Variants in DNM3 observed in about 807,000 individuals in gnomAD.
DNM3 encodes the protein dynamin 3.
DNM3 carries 47 observed loss-of-function variants against 101.6 expected under a neutral mutation model. The observed-to-expected ratio is 0.46, with a 90% CI of 0.37 to 0.59. The LOEUF is 0.59. Among genes scored for constraint, DNM3 ranks in the 20% least tolerant of loss-of-function variants. DNM3 has a pLI of 0.00. For synonymous variants in DNM3, 385 were observed against 387.9 expected, an observed-to-expected ratio of 0.99 and a Z score of 0.09; for missense variants, 849 against 1,085.7, an observed-to-expected ratio of 0.78 and a Z score of 3.06.
Position 172,044,301 on chromosome 1 carries a change from T to C in DNM3, c.1129-84T>C, listed in dbSNP as rs1342574682. 3.4e-6 allele frequency: 4 copies of C among 1,174,004 alleles called. No homozygotes were observed. The African/African-American group carries it at 4.6e-5, about 14-fold the overall frequency. 72.7% of individuals were successfully genotyped at this position (1,174,004 alleles called of 1,614,324 possible). A position where few individuals can be genotyped will look rare whatever the true frequency, so the allele number is the denominator to read the frequency against. On this transcript the variant is annotated intron_variant, in intron 8 of 20. Transcript: ENST00000627582. ...GAGTATCCACTTATTAATAATGAAG[T>C]CAAGTTATTCTCATTCTGTAATGTT... is the stretch of plus-strand genomic sequence containing the variant.
intron 4 of DNM3, among the ~76,000 whole-genome samples, chr1:172,003,124 A>AT (rs2046455381): frequency 6.6e-6 from 1 of 151,880 alleles, no homozygotes; most frequent in Non-Finnish European, 1.5e-5. Flanking sequence ...ATGAATCTTC[A>AT]TTTTTTTCAG....
chr1:172,028,211 T>C (rs1380014023), intron 4 of DNM3, among the ~76,000 whole-genome samples: 4 of 152,122 alleles, frequency 2.6e-5, no homozygotes, highest in African/African-American at 9.7e-5. Flanking sequence ...AAATCGTAAC[T>C]AACAGTCTCT....
At chr1:172,135,887 T>C (rs948712741) in intron 14 of DNM3, among the ~76,000 whole-genome samples, 1 of 152,080 alleles carries the variant, frequency 6.6e-6, no homozygotes, top group African/African-American at 2.4e-5. Context: ...TAAAAATACA[T>C]AAATATGTAA....
downstream of DNM3, among the ~76,000 whole-genome samples, chr1:172,415,840 G>A (rs976568077): frequency 4.6e-5 from 7 of 151,954 alleles, no homozygotes; most frequent in Admixed American, 3.3e-4. Context: ...TTTTTTGTGA[G>A]ATTTTAACAG....
chr1:172,091,604 A>T (rs930303753), intron 12 of DNM3, among the ~76,000 whole-genome samples: 6 of 152,186 alleles, frequency 3.9e-5, no homozygotes, highest in Non-Finnish European at 7.4e-5. Context: ...TGTGGCTGGA[A>T]CTCTTCAGGG....
chr1:172,011,086 A>G (rs2047096075), intron 4 of DNM3, among the ~76,000 whole-genome samples: 1 of 151,824 alleles, frequency 6.6e-6, no homozygotes, highest in African/African-American at 2.4e-5. Flanking sequence ...GATCAATTTC[A>G]TATTTTTTGA....
chr1:171,952,380 G>T (rs2042585494), intron 2 of DNM3, among the ~76,000 whole-genome samples: 1 of 152,162 alleles, frequency 6.6e-6, no homozygotes, highest in African/African-American at 2.4e-5. Flanking sequence ...ACATGAGTCA[G>T]GTTGGAATTT....
intron 2 of DNM3, among the ~76,000 whole-genome samples, chr1:171,967,929 T>C (rs1270370771): frequency 1.3e-5 from 2 of 152,222 alleles, no homozygotes; most frequent in African/African-American, 4.8e-5. Flanking sequence ...TCATACTTTG[T>C]ATATTGCTTC....
In DNM3 at chr1:171,944,853, TC is replaced by T. The variant is rs137973507; in HGVS notation, c.235+23034del. Reference sequence around the variant, plus strand: ...TTTTGTTTTCTTTTTTTTTGGTGTTTCCTTTTTTTTTTTTTTTTTTTTTTTT... The same window carrying T: ...TTTTGTTTTCTTTTTTTTTGGTGTTTCTTTTTTTTTTTTTTTTTTTTTTTT... On this transcript the variant is annotated intron_variant, in intron 2 of 20. Coordinates refer to ENST00000627582, the MANE Select transcript of DNM3 (RefSeq NM_015569.5). Among the ~76,000 whole-genome samples, 298 of 91,980 alleles carry T rather than the reference TC, an allele frequency of 3.2e-3. 125 individuals are homozygous for T. Among genetic ancestry groups the T allele is most frequent in the East Asian group, 0.01 (32 of 3,088 alleles). 60.3% of individuals were successfully genotyped at this position (91,980 alleles called of 152,430 possible).
At chr1:171,932,905 T>C (rs1223937812) in intron 2 of DNM3, among the ~76,000 whole-genome samples, 1 of 152,202 alleles carries the variant, frequency 6.6e-6, no homozygotes, top group African/African-American at 2.4e-5. Context: ...GAAAATATTC[T>C]TACATATTGA....
At chr1:172,377,997 A>G (rs2068700947) in intron 17 of DNM3, 1 of 152,054 alleles carries the variant, frequency 6.6e-6, no homozygotes, top group Admixed American at 6.6e-5. Context: ...TGGATGATTG[A>G]AAATCAAAGT....
chr1:172,041,646 T>C, intron 7 of DNM3, among the ~76,000 whole-genome samples: 1 of 152,110 alleles, frequency 6.6e-6, no homozygotes, highest in South Asian at 2.1e-4. Context: ...TTTGGGACAC[T>C]AGGTGGTTGT....
intron 15 of DNM3, among the ~76,000 whole-genome samples, chr1:172,270,977 G>A (rs1573229897): frequency 1.3e-5 from 2 of 152,218 alleles, no homozygotes; most frequent in Non-Finnish European, 2.9e-5. Flanking sequence ...AGTGATATGT[G>A]TTATACTACC....
At chr1:172,193,335 T>C (rs901652296) in intron 14 of DNM3, among the ~76,000 whole-genome samples, 2 of 152,134 alleles carry the variant, frequency 1.3e-5, no homozygotes, top group African/African-American at 4.8e-5. Context: ...TTTTGTTGTG[T>C]CCCTGCCAGG....
intron 15 of DNM3, among the ~76,000 whole-genome samples, chr1:172,294,782 C>T (rs2064080568): frequency 1.4e-5 from 2 of 140,776 alleles, no homozygotes; most frequent in South Asian, 4.5e-4. Flanking sequence ...GCTGGGACTG[C>T]AAGGCTGTAG....
Position 172,411,059 on chromosome 1 carries a change from G to T in DNM3, c.*3218G>T, listed in dbSNP as rs924386885. ...ATACTAGTTAAAATGCCACAAGCAT[G>T]AGTGTGATTGTATGTGCACTGTGTG... On this transcript the variant is annotated 3_prime_UTR_variant, in exon 21 of 21. Transcript: ENST00000627582. The T allele has an allele frequency of 5.1e-6, 5 of 985,072 alleles. No homozygotes were observed. The African/African-American group carries it at 7.0e-5, about 14-fold the overall frequency. The allele number at this position is 985,072 out of a possible 1,614,324, so 61.0% of individuals were successfully genotyped here. A position where few individuals can be genotyped will look rare whatever the true frequency, so the allele number is the denominator to read the frequency against.
intron 17 of DNM3, among the ~76,000 whole-genome samples, chr1:172,364,605 C>A (rs2422080): frequency 6.6e-6 from 1 of 151,748 alleles, no homozygotes; most frequent in South Asian, 2.1e-4. Context: ...ATAGCCATAA[C>A]AGAAATATCT....
intron 17 of DNM3, among the ~76,000 whole-genome samples, chr1:172,356,562 T>C (rs1414844732): frequency 6.6e-6 from 1 of 152,108 alleles, no homozygotes; most frequent in Non-Finnish European, 1.5e-5. Flanking sequence ...TTTTTTTTAA[T>C]TGTGTTGATC....
chr1:171,955,660 G>T (rs1360764841), intron 2 of DNM3, among the ~76,000 whole-genome samples: 1 of 152,170 alleles, frequency 6.6e-6, no homozygotes, highest in Non-Finnish European at 1.5e-5. Flanking sequence ...ATAGGTGAGA[G>T]GCATAGGTAG....
Sources: gnomAD v4.1 joint callset for allele counts (sites outside exome capture counted in the v4.1 genomes callset) on GRCh38, gnomAD v4.1.1 for gene constraint, MANE v1.5 for transcripts, NCBI Gene and HGNC (gene_info 2026-07-23, HGNC 2026-07-21) for gene names.